Variants in PTDSS1 observed in about 807,000 individuals in gnomAD.
PTDSS1 encodes the protein PSS-1.
In PTDSS1, 45 loss-of-function variants were observed where a neutral mutation model predicts 70.5. That is an observed-to-expected ratio of 0.64 (90% CI 0.50 to 0.82). The LOEUF (loss-of-function observed/expected upper bound fraction) is 0.82. Among genes scored for constraint, PTDSS1 ranks in the 40% least tolerant of loss-of-function variants. The pLI is 0.00. For synonymous variants in PTDSS1, 188 were observed against 203.8 expected (o/e 0.92, Z 0.66); for missense variants, 417 against 586.1 (o/e 0.71, Z 2.98).
chr8:96,307,514 C>T (rs975567541), intron 8 of PTDSS1, among the ~76,000 whole-genome samples: 11 of 120,966 alleles, frequency 9.1e-5, no homozygotes, highest in African/African-American at 3.4e-4. Flanking sequence ...TCAAGTAAGA[C>T]ATGTCCAAGT....
chr8:96,282,980 G>A (rs1810762394), intron 2 of PTDSS1, among the ~76,000 whole-genome samples: 1 of 152,164 alleles, frequency 6.6e-6, no homozygotes, highest in African/African-American at 2.4e-5. Context: ...CCACAGAGCT[G>A]TTCTAAGGAG....
intron 5 of PTDSS1, among the ~76,000 whole-genome samples, chr8:96,297,204 A>G (rs1185905757): frequency 6.6e-6 from 1 of 151,654 alleles, no homozygotes; most frequent in East Asian, 1.9e-4. Context: ...TTTGAGACGG[A>G]GTCTTGCTTT....
intron 10 of PTDSS1, among the ~76,000 whole-genome samples, chr8:96,324,660 T>C (rs1472412798): frequency 3.3e-5 from 5 of 152,178 alleles, no homozygotes; most frequent in Non-Finnish European, 7.3e-5. Context: ...CCTGAATCCA[T>C]TCATGAGGGC....
chr8:96,282,000 G>A (rs1810745150), intron 2 of PTDSS1, among the ~76,000 whole-genome samples: 2 of 152,160 alleles, frequency 1.3e-5, no homozygotes, highest in South Asian at 2.1e-4. Context: ...CGTTATGATT[G>A]CTCTTGAGAA....
intron 10 of PTDSS1, among the ~76,000 whole-genome samples, chr8:96,325,008 C>T (rs1412761720): frequency 6.6e-6 from 1 of 152,186 alleles, no homozygotes; most frequent in Non-Finnish European, 1.5e-5. Context: ...AGTGCTCTTC[C>T]GTGCTGTGCC....
At chr8:96,290,408 T>C (rs1157770718) in intron 4 of PTDSS1, among the ~76,000 whole-genome samples, 1 of 152,198 alleles carries the variant, frequency 6.6e-6, no homozygotes, top group Non-Finnish European at 1.5e-5. Context: ...CGAATGATAA[T>C]GCTCTTGACA....
At chr8:96,299,975 T>A in intron 6 of PTDSS1, 130 bp downstream of exon 6, 1 of 1,162,486 alleles carries the variant, frequency 8.6e-7, no homozygotes, top group Non-Finnish European at 1.2e-6. Flanking sequence ...CTGAAACTCA[T>A]AAATGATTAT....
intron 9 of PTDSS1, among the ~76,000 whole-genome samples, chr8:96,318,414 A>G (rs926608817): frequency 3.9e-5 from 6 of 152,160 alleles, no homozygotes; most frequent in Non-Finnish European, 8.8e-5. Context: ...TTATGGGTAG[A>G]TAATCACACT....
At chr8:96,273,044 G>T (rs1161071933) in intron 1 of PTDSS1, among the ~76,000 whole-genome samples, 2 of 152,136 alleles carry the variant, frequency 1.3e-5, no homozygotes, top group Non-Finnish European at 2.9e-5. Context: ...GGTAAAGTGT[G>T]TCTGATTATA....
intron 7 of PTDSS1, among the ~76,000 whole-genome samples, chr8:96,306,065 A>G (rs1184887298): frequency 6.6e-6 from 1 of 152,222 alleles, no homozygotes. Context: ...AAGGCAGCAT[A>G]GGTGTTCTGT....
chr8:96,262,920 C>A lies in PTDSS1; in HGVS notation c.179+701C>A, dbSNP rs1337124751. 6.6e-6 allele frequency among the ~76,000 whole-genome samples: 1 copy of A among 152,202 alleles called. No individual in the cohort carries two copies. The highest frequency in any genetic ancestry group is 1.5e-5 in the Non-Finnish European group (1 of 68,034). On this transcript the variant is annotated intron_variant, in intron 1 of 12. Coordinates refer to ENST00000517309, the MANE Select transcript of PTDSS1 (RefSeq NM_014754.3). This position sits in a 1 kb window ranked among gnomAD's most constrained non-coding sequence, Gnocchi z 4.4. Reference sequence around the variant, plus strand: ...AGCGGACCTTTCCTTTCCAGCACAGCCCAATACCCATCATCTGTGTACATG... The same window carrying A: ...AGCGGACCTTTCCTTTCCAGCACAGACCAATACCCATCATCTGTGTACATG...
intron 9 of PTDSS1, among the ~76,000 whole-genome samples, chr8:96,313,306 G>A (rs563333234): frequency 6.6e-6 from 1 of 152,334 alleles, no homozygotes; most frequent in South Asian, 2.1e-4. Context: ...CATCCAGCAA[G>A]GGAATGGGAT....
At chr8:96,296,902 G>T (rs939178471) in intron 5 of PTDSS1, among the ~76,000 whole-genome samples, 18 of 152,150 alleles carry the variant, frequency 1.2e-4, no homozygotes, top group African/African-American at 4.3e-4. Context: ...TGTCGGCCTC[G>T]CTTGCTTCCC....
chr8:96,276,980 GCACACACACACACACACA>G (rs57116529), intron 2 of PTDSS1, among the ~76,000 whole-genome samples: 3 of 146,014 alleles, frequency 2.1e-5, no homozygotes, highest in South Asian at 2.2e-4. Flanking sequence ...GCACGCGCGC[GCACACACACACACACACA>G]CACACACACA....
At chr8:96,273,190 G>A in intron 1 of PTDSS1, 109 bp from the exon 2 acceptor site, 1 of 690,154 alleles carries the variant, frequency 1.4e-6, no homozygotes, top group Non-Finnish European at 2.4e-6. Flanking sequence ...GTTCAATCCT[G>A]TCATACATCT....
At chr8:96,309,879 TTG>T (rs1288312459) in intron 9 of PTDSS1, among the ~76,000 whole-genome samples, 2 of 152,100 alleles carry the variant, frequency 1.3e-5, no homozygotes, top group African/African-American at 4.8e-5. Flanking sequence ...CTCTCTTATT[TTG>T]GCCGGGTGCA....
At chr8:96,302,179 GCAC>G (rs1054644448) in intron 6 of PTDSS1, among the ~76,000 whole-genome samples, 62 of 151,914 alleles carry the variant, frequency 4.1e-4, no homozygotes, top group African/African-American at 1.5e-3. Context: ...TTACAGGCAT[GCAC>G]CACCACACCC....
intron 12 of PTDSS1, 139 bp downstream of exon 12, chr8:96,331,234 G>A (rs1309948547): frequency 1.2e-6 from 1 of 806,810 alleles, no homozygotes; most frequent in Non-Finnish European, 2.0e-6. Flanking sequence ...CACTTATTAA[G>A]AAACATGCAA....
intron 4 of PTDSS1, among the ~76,000 whole-genome samples, chr8:96,288,565 A>T (rs963156247): frequency 6.9e-6 from 1 of 145,650 alleles, no homozygotes; most frequent in African/African-American, 2.5e-5. Context: ...ATCTCAAATG[A>T]TCTGCCTGCT....
Sources: gnomAD v4.1 joint callset for allele counts (sites outside exome capture counted in the v4.1 genomes callset) on GRCh38, gnomAD v4.1.1 for gene constraint, Gnocchi (gnomAD v3.1) non-coding constraint, MANE v1.5 for transcripts, NCBI Gene and HGNC (gene_info 2026-07-23, HGNC 2026-07-21) for gene names.